SPAG9: variants seen among roughly 807,000 people sequenced by gnomAD.
SPAG9 encodes C-Jun-amino-terminal kinase-interacting protein 4.
A neutral mutation model predicts 166.5 loss-of-function variants in SPAG9; 35 were observed. That is an observed-to-expected ratio of 0.21 (90% CI 0.16 to 0.28). The LOEUF (loss-of-function observed/expected upper bound fraction) is 0.28, where lower values mean the gene tolerates loss of function less well. SPAG9 is among the 10% of genes least tolerant of loss of function. SPAG9 has a pLI of 1.00. For synonymous variants in SPAG9, 534 were observed against 565.5 expected (o/e 0.94, Z 0.79); for missense variants, 1,235 against 1,603.3 (o/e 0.77, Z 3.92).
At chr17:51,113,383 AAAAGC>A (rs1236318159) in intron 1 of SPAG9, among the ~76,000 whole-genome samples, 11 of 150,846 alleles carry the variant, frequency 7.3e-5, no homozygotes, top group African/African-American at 2.2e-4. Context: ...AAAGAAAAGA[AAAAGC>A]AAATAGGTTG....
At position 50,985,769 on chromosome 17, in the gene SPAG9, G is replaced by C; in HGVS notation, c.2949C>G (p.Val983=). The change falls in exon 23 of 30, where the codon GTC becomes GTG. Residue 983 remains valine, a synonymous_variant. Transcript: ENST00000262013. ...WLGAQNGCLY[V]HSSVAQWRKC... ...TCCTCCACTGGGCTACAGATGAATGGACATACAAACTGTAAGAACAAAGTC... is the reference window on the plus strand; with the variant it reads ...TCCTCCACTGGGCTACAGATGAATGCACATACAAACTGTAAGAACAAAGTC... The C allele has an allele frequency of 1.9e-6, 3 of 1,599,982 alleles. No individual in the cohort carries two copies. The highest frequency in any genetic ancestry group is 1.3e-5 in the African/African-American group (1 of 74,740).
At chr17:50,999,307 A>C (rs1567980867) in intron 14 of SPAG9, among the ~76,000 whole-genome samples, 1 of 152,302 alleles carries the variant, frequency 6.6e-6, no homozygotes, top group East Asian at 1.9e-4. Context: ...AAAGTTTCTT[A>C]CAATCACAAA....
chr17:51,053,000 A>T (rs577988978), intron 3 of SPAG9, among the ~76,000 whole-genome samples: 1 of 152,222 alleles, frequency 6.6e-6, no homozygotes, highest in East Asian at 1.9e-4. Flanking sequence ...CAGAGGCTGC[A>T]GTGAGCCAAG....
At chr17:51,005,284 C>T (rs951814149) in intron 11 of SPAG9, 21 bp from the exon 12 acceptor site, 1 of 1,610,798 alleles carries the variant, frequency 6.2e-7, no homozygotes, top group Non-Finnish European at 8.5e-7. Context: ...AAAAACAAAA[C>T]AAAACATGTT....
intron 23 of SPAG9, among the ~76,000 whole-genome samples, 170 bp downstream of exon 23, chr17:50,985,528 T>C (rs1323190621): frequency 6.6e-6 from 1 of 151,916 alleles, no homozygotes; most frequent in Non-Finnish European, 1.5e-5. Flanking sequence ...TTTTCTATTA[T>C]ACAGTTTCAT....
chr17:51,034,981 AC>A (rs1321427835), intron 5 of SPAG9, among the ~76,000 whole-genome samples: 1 of 152,236 alleles, frequency 6.6e-6, no homozygotes, highest in African/African-American at 2.4e-5. Context: ...AGGAACTGTT[AC>A]ACACTGGGAA....
chr17:51,118,893 C>T (rs748594978), intron 1 of SPAG9, among the ~76,000 whole-genome samples: 66 of 151,936 alleles, frequency 4.3e-4, no homozygotes, highest in Non-Finnish European at 9.3e-4. Context: ...CTACAAAAAA[C>T]AAAAATGAGC....
chr17:51,053,805 T>C (rs1326132968), intron 3 of SPAG9, among the ~76,000 whole-genome samples: 17 of 126,530 alleles, frequency 1.3e-4, no homozygotes, highest in Non-Finnish European at 2.2e-4. Context: ...GCCACTGCAC[T>C]CCAGCCTGGG....
At chr17:51,009,130 C>T (rs1158096857) in intron 9 of SPAG9, 1 of 452,392 alleles carries the variant, frequency 2.2e-6, no homozygotes, top group Non-Finnish European at 4.4e-6. Context: ...ATCATACACA[C>T]CAGAATATTC....
chr17:50,970,688 C>T lies in SPAG9; in HGVS notation c.3850+19G>A, dbSNP rs1265844003. 6.2e-7 allele frequency: 1 copy of T among 1,611,548 alleles called. No homozygotes were observed. Among genetic ancestry groups the T allele is most frequent in the African/African-American group, 1.3e-5 (1 of 74,846 alleles). ...CATAGCACACAGTGCAAACTGAGCACCCAGAACCAATGACATACCCATTCG... is the reference window on the plus strand; with the variant it reads ...CATAGCACACAGTGCAAACTGAGCATCCAGAACCAATGACATACCCATTCG... On this transcript the variant is annotated intron_variant, in intron 29 of 29. Transcript: ENST00000262013.
At chr17:50,989,458 A>AT (rs756003222) in intron 21 of SPAG9, 680 of 569,242 alleles carry the variant, frequency 1.2e-3, no homozygotes, top group East Asian at 3.6e-3. Context: ...TATAGATAAG[A>AT]TTTTTTTTTT....
intron 28 of SPAG9, among the ~76,000 whole-genome samples, chr17:50,974,205 G>A (rs972590356): frequency 1.3e-5 from 2 of 152,110 alleles, no homozygotes; most frequent in African/African-American, 2.4e-5. Flanking sequence ...GTGCTTTATA[G>A]CTCCCAGTAG....
chr17:51,099,433 CAAA>C (rs34069450), intron 1 of SPAG9, among the ~76,000 whole-genome samples: 4 of 75,522 alleles, frequency 5.3e-5, no homozygotes, highest in Non-Finnish European at 7.4e-5. Flanking sequence ...AACTCTGTCT[CAAA>C]AAAAAAAAAA....
intron 4 of SPAG9, chr17:51,042,551 T>C (rs922292445): frequency 1.1e-4 from 16 of 152,246 alleles, no homozygotes; most frequent in Non-Finnish European, 2.4e-4. Flanking sequence ...TTCCTACCTC[T>C]ACTGGTAAGA....
intron 5 of SPAG9, among the ~76,000 whole-genome samples, chr17:51,033,880 C>T (rs941987758): frequency 4.6e-5 from 7 of 152,188 alleles, no homozygotes; most frequent in Non-Finnish European, 8.8e-5. Context: ...TTAATAAATA[C>T]CTATGTGCCA....
At chr17:50,999,247 A>G (rs1487372614) in intron 14 of SPAG9, among the ~76,000 whole-genome samples, 8 of 152,156 alleles carry the variant, frequency 5.3e-5, no homozygotes, top group Non-Finnish European at 1.2e-4. Flanking sequence ...CAATACATAC[A>G]CAATATTACT....
At chr17:50,999,614 T>C in intron 14 of SPAG9, 47 bp downstream of exon 14, 1 of 1,535,434 alleles carries the variant, frequency 6.5e-7, no homozygotes, top group Non-Finnish European at 8.9e-7. Flanking sequence ...TGACTGTAAT[T>C]TTCTTGTCTC....
intron 4 of SPAG9, among the ~76,000 whole-genome samples, chr17:51,045,459 T>C (rs1036656600): frequency 2.6e-5 from 4 of 152,162 alleles, no homozygotes; most frequent in Non-Finnish European, 2.9e-5. Context: ...TTTTAAGTCA[T>C]TGATGAAATT....
chr17:51,010,207 G>A (rs2045409740), intron 9 of SPAG9, among the ~76,000 whole-genome samples: 1 of 152,136 alleles, frequency 6.6e-6, no homozygotes, highest in Non-Finnish European at 1.5e-5. Flanking sequence ...AGTTCTACAT[G>A]TGTGTTTTTC....
Sources: allele counts gnomAD v4.1 joint callset (sites outside exome capture counted in the v4.1 genomes callset), GRCh38; gene constraint gnomAD v4.1.1; transcripts MANE v1.5; gene names NCBI Gene and HGNC (gene_info 2026-07-23, HGNC 2026-07-21).